Variants in AKAP9 observed in about 807,000 individuals in gnomAD.
AKAP9 encodes the protein A-kinase anchoring protein 9, also known as A-kinase anchor protein 9.
Under a neutral mutation model 488.5 loss-of-function variants are expected in AKAP9, and 311 were observed. The observed-to-expected ratio is 0.64, with a 90% CI of 0.58 to 0.70. The LOEUF (loss-of-function observed/expected upper bound fraction) is 0.70. Among genes scored for constraint, AKAP9 ranks in the 30% least tolerant of loss-of-function variants. AKAP9 has a pLI of 0.00. For missense variants in AKAP9, 4,215 were observed against 4,374.5 expected (o/e 0.96, Z 1.03); for synonymous variants, 1,462 against 1,483.5 (o/e 0.99, Z 0.33).
intron 8 of AKAP9, among the ~76,000 whole-genome samples, chr7:92,008,404 G>T (rs1800223412): frequency 6.6e-6 from 1 of 151,738 alleles, no homozygotes; most frequent in Admixed American, 6.6e-5. Flanking sequence ...AAGAATATGG[G>T]CCAGCGGGCG....
chr7:91,994,789 A>G lies in AKAP9; in HGVS notation c.732+13A>G. On this transcript the variant is annotated intron_variant, in intron 6 of 49. Transcript: ENST00000356239. The stretch of plus-strand genomic sequence containing the variant: ...TCAATTTCAGCAAGTAAGTATTACT[A>G]ATGCAACAAAATTCATTATTTTTTT... 1.9e-6 allele frequency: 3 copies of G among 1,596,210 alleles called. No homozygotes were observed. The highest frequency in any genetic ancestry group is 1.7e-6 in the Non-Finnish European group (2 of 1,168,580).
At chr7:92,006,285 G>A (rs1213796239) in intron 8 of AKAP9, among the ~76,000 whole-genome samples, 1 of 151,856 alleles carries the variant, frequency 6.6e-6, no homozygotes, top group Middle Eastern at 3.2e-3. Flanking sequence ...TGAGTAGCTA[G>A]TATTACAGGC....
At position 92,082,651 on chromosome 7, in the gene AKAP9, G is replaced by C. The variant is rs766108106; in HGVS notation, c.8149G>C (p.Glu2717Gln). ...SYKEKAEKLQ[E>Q]ELLVKETNMT... The stretch of plus-strand genomic sequence containing the variant: ...TAAAGAAAAGGCTGAAAAACTTCAA[G>C]AAGAGCTTTTGGTAAGATAAGTAAC... The change falls in exon 32 of 50, where the codon GAA (glutamate) becomes CAA (glutamine). Residue 2717 changes from glutamate (E) to glutamine (Q), a missense_variant. Transcript: ENST00000356239. 51 of 1,613,792 alleles carry C rather than the reference G, an allele frequency of 3.2e-5. No individual in the cohort carries two copies. Among genetic ancestry groups the C allele is most frequent in the Non-Finnish European group, 4.1e-5 (48 of 1,179,920 alleles).
chr7:92,022,539 T>G (rs1003438078), intron 13 of AKAP9, among the ~76,000 whole-genome samples, 187 bp downstream of exon 13: 1 of 152,202 alleles, frequency 6.6e-6, no homozygotes, highest in African/African-American at 2.4e-5. Flanking sequence ...TTCCCCCTTC[T>G]TATGTTCTGT....
intron 1 of AKAP9, among the ~76,000 whole-genome samples, chr7:91,967,915 A>G (rs553790197): frequency 6.6e-6 from 1 of 152,274 alleles, no homozygotes; most frequent in South Asian, 2.1e-4. Flanking sequence ...TGAAGCCATC[A>G]AGTCCTGGGC....
chr7:91,997,208 A>G (rs1250674513), intron 7 of AKAP9, among the ~76,000 whole-genome samples: 1 of 152,230 alleles, frequency 6.6e-6, no homozygotes, highest in Non-Finnish European at 1.5e-5. Flanking sequence ...CAAGAAATAC[A>G]GTGAGGCTTA....
chr7:92,110,389 A>C lies in AKAP9; in HGVS notation c.*230A>C. 1.9e-6 allele frequency: 1 copy of C among 531,126 alleles called. No individual in the cohort carries two copies. The highest frequency in any genetic ancestry group is 2.4e-5 in the South Asian group (1 of 42,242). The allele number at this position is 531,126 out of a possible 1,614,324, so 32.9% of individuals were successfully genotyped here. A position where few individuals can be genotyped will look rare whatever the true frequency, so the allele number is the denominator to read the frequency against. ...ATTGAATTACCTGTATATTTGTGGA[A>C]TGCTAATTTAAAACATTAAATTATA... is the stretch of plus-strand genomic sequence containing the variant. On this transcript the variant is annotated 3_prime_UTR_variant, in exon 50 of 50. Coordinates refer to ENST00000356239, the MANE Select transcript of AKAP9 (RefSeq NM_005751.5).
In AKAP9 at chr7:92,079,890, T is replaced by C; in HGVS notation, c.7757T>C (p.Ile2586Thr). The stretch of plus-strand genomic sequence containing the variant: ...TCATCAGAACCTGAAAGAACAAATA[T>C]TCAGAATTTAAATCAACTAAGAGAA... Reference protein sequence around the residue: ...TISSEPERTNIQNLNQLREDE... With the variant: ...TISSEPERTNTQNLNQLREDE... The change falls in exon 31 of 50, where the codon ATT (isoleucine) becomes ACT (threonine). Residue 2586 changes from isoleucine (I) to threonine (T), a missense_variant. Physicochemically the swap from Ile to Thr is moderately conservative, Grantham distance 89. Coordinates refer to ENST00000356239, the MANE Select transcript of AKAP9 (RefSeq NM_005751.5). 1 of 1,613,954 alleles carries C rather than the reference T, an allele frequency of 6.2e-7. No homozygotes were observed.
chr7:92,105,669 CT>C lies in AKAP9; in HGVS notation c.11331-3del. ...GGGCTGTGAAATTTTATCTTGGAAT[CT>C]TTTTTAGAATGAAATTTTTGGTTCG... On this transcript the variant is annotated splice_region_variant and splice_polypyrimidine_tract_variant and intron_variant, in intron 46 of 49. Coordinates refer to ENST00000356239, the MANE Select transcript of AKAP9 (RefSeq NM_005751.5). 1.2e-6 allele frequency: 2 copies of C among 1,610,790 alleles called. No individual in the cohort carries two copies. The highest frequency in any genetic ancestry group is 1.7e-6 in the Non-Finnish European group (2 of 1,176,960).
chr7:92,089,731 T>G, intron 38 of AKAP9: 1 of 532,974 alleles, frequency 1.9e-6, no homozygotes, highest in Non-Finnish European at 3.3e-6. Flanking sequence ...ACGTTGACTT[T>G]AAAATAAACT....
chr7:92,018,395 A>AACACACACACACACACACACACACAC (rs56394853), intron 12 of AKAP9, among the ~76,000 whole-genome samples: 2 of 120,610 alleles, frequency 1.7e-5, no homozygotes, highest in East Asian at 2.4e-4. Context: ...CTAAAAATAT[A>AACACACACACACACACACACACACAC]ACACACACAC....
chr7:92,015,366 A>AT (rs11345067), intron 10 of AKAP9, among the ~76,000 whole-genome samples: 11,428 of 137,868 alleles, frequency 0.083, 728 homozygotes, highest in East Asian at 0.22. Flanking sequence ...TGTGTTAGGA[A>AT]TTTTTTTTTT....
intron 24 of AKAP9, among the ~76,000 whole-genome samples, chr7:92,064,016 A>G (rs1369110264): frequency 6.6e-6 from 1 of 152,172 alleles, no homozygotes; most frequent in Non-Finnish European, 1.5e-5. Context: ...TCCTGGCCTC[A>G]GGTGATCCGC....
rs143071690 is a variant in AKAP9 at position 92,029,119 on chromosome 7, CT to C, written c.4149-766del. ...CAGAAATGAAAATTATAATTTGCTCCTTTTTTTTTTCCCATGGATCCTAAAT... is the reference window on the plus strand; with the variant it reads ...CAGAAATGAAAATTATAATTTGCTCCTTTTTTTTTCCCATGGATCCTAAAT... On this transcript the variant is annotated intron_variant, in intron 14 of 49. Transcript: ENST00000356239. Among the ~76,000 whole-genome samples, 114 of 147,586 alleles carry C rather than the reference CT, an allele frequency of 7.7e-4. 1 individual carries two copies. The highest frequency in any genetic ancestry group is 3.5e-3 in the Middle Eastern group (1 of 286).
At chr7:91,990,691 T>C (rs1797642882) in intron 3 of AKAP9, among the ~76,000 whole-genome samples, 2 of 152,180 alleles carry the variant, frequency 1.3e-5, no homozygotes, top group African/African-American at 2.4e-5. Context: ...AACTGATTCA[T>C]GTAATACTGA....
intron 7 of AKAP9, among the ~76,000 whole-genome samples, chr7:91,999,190 G>A (rs1450695054): frequency 6.6e-6 from 1 of 152,144 alleles, no homozygotes; most frequent in Non-Finnish European, 1.5e-5. Context: ...AGCTACCTCA[G>A]AAGTGAACTC....
In AKAP9 at chr7:92,089,415, C is replaced by T. The variant is rs377611430; in HGVS notation, c.9244C>T (p.Leu3082Phe). The T allele has an allele frequency of 6.1e-5, 99 of 1,611,780 alleles. No individual in the cohort carries two copies. The highest frequency in any genetic ancestry group is 8.1e-5 in the Non-Finnish European group (96 of 1,179,746). The change falls in exon 38 of 50, where the codon CTC becomes TTC. Residue 3082 changes from leucine (L) to phenylalanine (F), a missense_variant. By Grantham distance (22) the Leu-to-Phe change is conservative. Around this residue, in one of 5 missense-constraint regions of AKAP9, gnomAD observed 1,476 missense variants for 1,477.4 expected, o/e 1.00. Coordinates refer to ENST00000356239, the MANE Select transcript of AKAP9 (RefSeq NM_005751.5). ...TGAATATCAAGCAGCTATGGAATGCCTCCAGAAAGCAGATAGAAGGAGTTT... is the reference window on the plus strand; with the variant it reads ...TGAATATCAAGCAGCTATGGAATGCTTCCAGAAAGCAGATAGAAGGAGTTT... ...GVEYQAAMEC[L>F]QKADRRSLLS...
At position 92,052,841 on chromosome 7, in the gene AKAP9, T is replaced by C; in HGVS notation, c.5484T>C (p.Ser1828=). ...AGCTGTCACAACGACTTGTGAGGAGTGGTTTTGCTGGAACTGAAATAGACC... is the reference window on the plus strand; with the variant it reads ...AGCTGTCACAACGACTTGTGAGGAGCGGTTTTGCTGGAACTGAAATAGACC... The part of the protein sequence containing the change: ...GTELSQRLVR[S]GFAGTEIDPE... The change falls in exon 22 of 50, where the codon AGT becomes AGC. Residue 1828 remains serine, a synonymous_variant. Transcript: ENST00000356239. 1.2e-6 allele frequency: 2 copies of C among 1,613,232 alleles called. No individual in the cohort carries two copies. The highest frequency in any genetic ancestry group is 1.7e-6 in the Non-Finnish European group (2 of 1,179,740).
chr7:92,077,979 T>C, intron 30 of AKAP9, 104 bp downstream of exon 30: 1 of 627,028 alleles, frequency 1.6e-6, no homozygotes, highest in Non-Finnish European at 2.4e-6. Context: ...ACAAACCAAT[T>C]TTATTTTATT....
Sources: allele counts gnomAD v4.1 joint callset (sites outside exome capture counted in the v4.1 genomes callset), GRCh38; gene constraint gnomAD v4.1.1; regional missense constraint gnomAD v4.1.1; transcripts MANE v1.5; gene names NCBI Gene and HGNC (gene_info 2026-07-23, HGNC 2026-07-21).